The following SPRED2 variants were observed in gnomAD, a reference collection of about 807,000 sequenced individuals.
SPRED2 encodes sprouty-related, EVH1 domain-containing protein 2.
SPRED2 carries 47 observed loss-of-function variants against 43.0 expected under a neutral mutation model. The observed-to-expected ratio is 1.09, with a 90% confidence interval of 0.87 to 1.40. SPRED2 has a LOEUF of 1.40. Ranked by LOEUF, SPRED2 falls within the 40% of genes most tolerant of loss-of-function variation. The probability of loss-of-function intolerance (pLI) is 0.00; values close to 1 mark genes in which losing one functional copy is unlikely to be tolerated. For missense variants in SPRED2, 561 were observed against 586.4 expected (o/e 0.96, Z 0.45); for synonymous variants, 225 against 225.7 (o/e 1.00, Z 0.03).
In SPRED2 at chr2:65,432,068, A is replaced by C; in HGVS notation, c.-81T>G. On this transcript the variant is annotated 5_prime_UTR_variant, in exon 1 of 6. An upstream open reading frame in the 5' UTR loses its in-frame stop. Transcript: ENST00000356388. ...TCCTGTCCGCTCGCCCCCCTTCTTC[A>C]CATCTCCGGAGATCGCCTGATTTGG... is the stretch of plus-strand genomic sequence containing the variant. The C allele has an allele frequency of 6.4e-7, 1 of 1,568,404 alleles. No homozygotes were observed. Among genetic ancestry groups the C allele is most frequent in the Non-Finnish European group, 8.7e-7 (1 of 1,144,492 alleles).
intron 1 of SPRED2, among the ~76,000 whole-genome samples, chr2:65,391,315 A>G (rs938414194): frequency 6.6e-6 from 1 of 152,138 alleles, no homozygotes; most frequent in African/African-American, 2.4e-5. Flanking sequence ...ACCTTAATAT[A>G]ACATAAAAGA....
At chr2:65,322,234 C>CTCTA (rs1266788299) in intron 4 of SPRED2, among the ~76,000 whole-genome samples, 2 of 14,708 alleles carry the variant, frequency 1.4e-4, no homozygotes, top group African/African-American at 9.4e-4. Context: ...CCTTTCCTCT[C>CTCTA]TCTCTCTCTC....
intron 2 of SPRED2, chr2:65,344,315 C>T: frequency 3.8e-6 from 1 of 266,300 alleles, no homozygotes; most frequent in Non-Finnish European, 7.5e-6. Context: ...GTTTTACCTG[C>T]CACCATCCAA....
At chr2:65,372,542 G>T (rs1455836975) in intron 1 of SPRED2, among the ~76,000 whole-genome samples, 1 of 152,156 alleles carries the variant, frequency 6.6e-6, no homozygotes, top group East Asian at 1.9e-4. Flanking sequence ...TGGCAAAAGA[G>T]TGTTGAGGAC....
intron 1 of SPRED2, among the ~76,000 whole-genome samples, chr2:65,388,339 G>C (rs1317202595): frequency 1.3e-5 from 2 of 152,232 alleles, no homozygotes; most frequent in Non-Finnish European, 2.9e-5. Flanking sequence ...GACATTATCA[G>C]TGCCCAACAA....
intron 1 of SPRED2, among the ~76,000 whole-genome samples, chr2:65,376,864 G>A (rs1055382601): frequency 6.6e-6 from 1 of 152,032 alleles, no homozygotes; most frequent in African/African-American, 2.4e-5. Flanking sequence ...ACAGACGCCC[G>A]CCACCATGCC....
chr2:65,425,022 C>T (rs7572922), intron 1 of SPRED2, among the ~76,000 whole-genome samples: 50,306 of 151,984 alleles, frequency 0.33, 8,921 homozygotes, highest in Middle Eastern at 0.5. Context: ...ATAAACAGTG[C>T]GTATCTGAAA....
intron 1 of SPRED2, among the ~76,000 whole-genome samples, chr2:65,427,411 A>T (rs909272874): frequency 6.6e-6 from 1 of 152,154 alleles, no homozygotes; most frequent in African/African-American, 2.4e-5. Context: ...TTTAACATTT[A>T]AGGGTTCTAC....
At chr2:65,384,481 T>A (rs1235930329) in intron 1 of SPRED2, among the ~76,000 whole-genome samples, 2 of 152,172 alleles carry the variant, frequency 1.3e-5, no homozygotes, top group Non-Finnish European at 2.9e-5. Flanking sequence ...AACTAAATAA[T>A]AATTAGTTCA....
At chr2:65,324,593 C>A (rs1172151267) in intron 4 of SPRED2, among the ~76,000 whole-genome samples, 3 of 152,128 alleles carry the variant, frequency 2.0e-5, no homozygotes, top group Non-Finnish European at 4.4e-5. Context: ...ATGGAGGGAC[C>A]TTGAGTTTAC....
chr2:65,348,633 T>C (rs925423967), intron 1 of SPRED2, among the ~76,000 whole-genome samples: 1 of 151,834 alleles, frequency 6.6e-6, no homozygotes, highest in Non-Finnish European at 1.5e-5. Flanking sequence ...TGAAACCCCG[T>C]CTCCATTAAA....
chr2:65,397,989 T>A (rs907616322), intron 1 of SPRED2, among the ~76,000 whole-genome samples: 1 of 152,168 alleles, frequency 6.6e-6, no homozygotes, highest in Non-Finnish European at 1.5e-5. Context: ...TTCCAAACTA[T>A]ACTGTAAGGC....
intron 3 of SPRED2, chr2:65,334,061 C>T (rs779348789): frequency 1.6e-4 from 58 of 366,484 alleles, no homozygotes; most frequent in Non-Finnish European, 2.3e-4. Context: ...ACTGACTGCC[C>T]AAGGGCCCTC....
At chr2:65,367,265 A>C (rs1558671333) in intron 1 of SPRED2, among the ~76,000 whole-genome samples, 6 of 152,158 alleles carry the variant, frequency 3.9e-5, no homozygotes, top group Admixed American at 2.6e-4. Flanking sequence ...TTAGAGAGGC[A>C]TGTTGAAGTA....
chr2:65,364,679 A>G (rs2104325185), intron 1 of SPRED2, among the ~76,000 whole-genome samples: 1 of 152,332 alleles, frequency 6.6e-6, no homozygotes, highest in Non-Finnish European at 1.5e-5. Context: ...AATCACAGAA[A>G]AACAAGACAC....
At chr2:65,345,511 T>C (rs1445773562) in intron 1 of SPRED2, among the ~76,000 whole-genome samples, 1 of 152,178 alleles carries the variant, frequency 6.6e-6, no homozygotes. Context: ...TTTACCCATG[T>C]TGGCATCCCA....
intron 1 of SPRED2, among the ~76,000 whole-genome samples, chr2:65,387,746 T>C (rs990147081): frequency 2.6e-5 from 4 of 151,958 alleles, no homozygotes; most frequent in Admixed American, 2.6e-4. Flanking sequence ...TATACATGTA[T>C]ATGAAAGGAA....
chr2:65,429,371 T>C (rs541872269), intron 1 of SPRED2, among the ~76,000 whole-genome samples: 1 of 152,316 alleles, frequency 6.6e-6, no homozygotes, highest in East Asian at 1.9e-4. Context: ...CAAAGGTATC[T>C]GAGAGACCTC....
chr2:65,401,932 C>CGCGCGT lies in SPRED2; in HGVS notation c.26+30029_26+30030insACGCGC, dbSNP rs1553426595. Among the ~76,000 whole-genome samples the CGCGCGT allele has an allele frequency of 9.4e-3, 1,112 of 117,946 alleles. 22 individuals are homozygous for CGCGCGT. The highest frequency in any genetic ancestry group is 0.043 in the African/African-American group (1,055 of 24,782). 77.4% of individuals were successfully genotyped at this position (117,946 alleles called of 152,430 possible). On this transcript the variant is annotated intron_variant, in intron 1 of 5. Transcript: ENST00000356388. ...GTAAAACGATCAGAATATTAGCGCG[C>CGCGCGT]GCGCGCACACACACACACACACACA...
Sources: allele counts gnomAD v4.1 joint callset (sites outside exome capture counted in the v4.1 genomes callset), GRCh38; gene constraint gnomAD v4.1.1; transcripts MANE v1.5; gene names NCBI Gene and HGNC (gene_info 2026-07-23, HGNC 2026-07-21).